ELP1: variants seen among roughly 807,000 people sequenced by gnomAD.
The protein encoded by ELP1 is elongator acetyltransferase complex subunit 1, also known as elongator complex protein 1.
ELP1 carries 131 observed loss-of-function variants against 183.2 expected under a neutral mutation model. That is an observed-to-expected ratio of 0.72 (90% CI 0.62 to 0.83). The LOEUF is 0.83. Ranked by LOEUF, ELP1 falls within the 40% of genes least tolerant of loss-of-function variation. The pLI, the probability that ELP1 is intolerant of heterozygous loss-of-function variation, is 0.00. For synonymous variants in ELP1, 555 were observed against 569.0 expected, an observed-to-expected ratio of 0.98 and a Z score of 0.35; for missense variants, 1,550 against 1,594.9, an observed-to-expected ratio of 0.97 and a Z score of 0.48.
At chr9:108,923,725 C>A (rs1829736773) in intron 5 of ELP1, among the ~76,000 whole-genome samples, 2 of 152,202 alleles carry the variant, frequency 1.3e-5, no homozygotes, top group South Asian at 4.1e-4. Flanking sequence ...GAACACAGGT[C>A]TTCTGCCTTC....
intron 12 of ELP1, among the ~76,000 whole-genome samples, chr9:108,909,239 C>T (rs1444179246): frequency 2.0e-5 from 3 of 152,222 alleles, no homozygotes; most frequent in African/African-American, 7.2e-5. Flanking sequence ...CAGCACTTGC[C>T]ATCTGATAGA....
At chr9:108,876,950 C>T (rs7048388) in intron 35 of ELP1, among the ~76,000 whole-genome samples, 62,119 of 151,944 alleles carry the variant, frequency 0.41, 15,086 homozygotes, top group African/African-American at 0.69. Flanking sequence ...ACATTAGTCA[C>T]GAACTCCTGA....
intron 10 of ELP1, 60 bp downstream of exon 10, chr9:108,916,144 C>A (rs1210063899): frequency 1.6e-6 from 2 of 1,253,938 alleles, no homozygotes; most frequent in Non-Finnish European, 2.3e-6. Context: ...AAATCCCATA[C>A]CTGTCTACTT....
At chr9:108,913,526 C>T (rs1051394950) in intron 10 of ELP1, among the ~76,000 whole-genome samples, 4 of 152,150 alleles carry the variant, frequency 2.6e-5, no homozygotes, top group African/African-American at 9.7e-5. Flanking sequence ...TTAGTGATCA[C>T]AGCAAACATA....
At chr9:108,903,528 G>T in intron 15 of ELP1, 35 bp downstream of exon 15, 1 of 1,340,468 alleles carries the variant, frequency 7.5e-7, no homozygotes, top group Non-Finnish European at 1.1e-6. Flanking sequence ...ATCTATGTAA[G>T]TCATAACATG....
chr9:108,920,608 C>T (rs1342349815), intron 6 of ELP1, among the ~76,000 whole-genome samples: 5 of 151,186 alleles, frequency 3.3e-5, no homozygotes, highest in Admixed American at 3.3e-4. Context: ...ATCAGTGTTA[C>T]TGGGCACTAG....
chr9:108,890,509 G>A (rs1356688786), intron 28 of ELP1, among the ~76,000 whole-genome samples: 5 of 152,166 alleles, frequency 3.3e-5, no homozygotes, highest in Admixed American at 6.5e-5. Flanking sequence ...AAGCACTGCT[G>A]AGATGACCAG....
At chr9:108,880,007 AC>A in intron 32 of ELP1, 44 bp downstream of exon 32, 1 of 1,224,892 alleles carries the variant, frequency 8.2e-7, no homozygotes, top group Non-Finnish European at 1.2e-6. Flanking sequence ...GCGTTACCCA[AC>A]CCCACTGCCC....
chr9:108,868,489 T>C lies in ELP1; in HGVS notation c.*626A>G, dbSNP rs946159223. On this transcript the variant is annotated 3_prime_UTR_variant, in exon 37 of 37. Coordinates refer to ENST00000374647, the MANE Select transcript of ELP1 (RefSeq NM_003640.5). ...ATTCTAATCTGTTCTAGCTCTAACATTGCTAACTCTCTAGCAGAAAATACA... is the reference window on the plus strand; with the variant it reads ...ATTCTAATCTGTTCTAGCTCTAACACTGCTAACTCTCTAGCAGAAAATACA... 1 of 387,788 alleles carries C rather than the reference T, an allele frequency of 2.6e-6. No individual in the cohort carries two copies. Among genetic ancestry groups the C allele is most frequent in the East Asian group, 3.7e-5 (1 of 26,992 alleles). The allele number at this position is 387,788 out of a possible 1,614,324, so 24.0% of individuals were successfully genotyped here. A position where few individuals can be genotyped will look rare whatever the true frequency, so the allele number is the denominator to read the frequency against.
chr9:108,926,550 G>A lies in ELP1; in HGVS notation c.439C>T (p.Gln147Ter). Residue 147 changes from glutamine to a stop codon, truncating the protein, a stop_gained, in exon 5 of 37, where the codon CAG (glutamine) becomes TAG (stop). Coordinates refer to ENST00000374647, the MANE Select transcript of ELP1 (RefSeq NM_003640.5). LOFTEE classifies it high-confidence loss of function. ...TCACCAAAATCATCCTGATGGATCTGCTGCTCCAGGATTGGCTCAAAATCT... is the reference window on the plus strand; with the variant it reads ...TCACCAAAATCATCCTGATGGATCTACTGCTCCAGGATTGGCTCAAAATCT... ...TKDFEPILEQ[Q>*]IHQDDFGESK... The A allele has an allele frequency of 1.2e-6, 2 of 1,613,014 alleles. No individual in the cohort carries two copies. The highest frequency in any genetic ancestry group is 1.7e-6 in the Non-Finnish European group (2 of 1,179,694).
intron 12 of ELP1, 67 bp from the exon 13 acceptor site, chr9:108,908,471 G>T (rs1829097705): frequency 1.7e-6 from 2 of 1,192,738 alleles, no homozygotes; most frequent in Admixed American, 1.8e-5. Flanking sequence ...TAAGGGGATG[G>T]TGTCTGCAAT....
chr9:108,918,515 T>C (rs1161915790), intron 8 of ELP1, among the ~76,000 whole-genome samples: 2 of 152,168 alleles, frequency 1.3e-5, no homozygotes, highest in African/African-American at 4.8e-5. Flanking sequence ...AATGGCTTCA[T>C]ATATACCCTG....
intron 5 of ELP1, among the ~76,000 whole-genome samples, chr9:108,926,094 T>A (rs2132042912): frequency 6.6e-6 from 1 of 152,336 alleles, no homozygotes; most frequent in South Asian, 2.1e-4. Context: ...ACAGCCTTAA[T>A]GCCCAGATGA....
At chr9:108,922,282 G>A (rs1036525181) in intron 6 of ELP1, among the ~76,000 whole-genome samples, 7 of 152,196 alleles carry the variant, frequency 4.6e-5, no homozygotes, top group Non-Finnish European at 1.0e-4. Flanking sequence ...TGCCCCAAGA[G>A]TCTGCACTCT....
At chr9:108,916,362 A>T in intron 9 of ELP1, 65 bp from the exon 10 acceptor site, 1 of 1,247,428 alleles carries the variant, frequency 8.0e-7, no homozygotes, top group Non-Finnish European at 1.2e-6. Context: ...TCTTTATAAT[A>T]GCTGTATTTC....
At chr9:108,883,604 T>G (rs547319507) in intron 29 of ELP1, among the ~76,000 whole-genome samples, 2 of 152,130 alleles carry the variant, frequency 1.3e-5, no homozygotes, top group South Asian at 2.1e-4. Context: ...TTAAAAAATT[T>G]CCTTAAACAA....
At chr9:108,871,231 T>G (rs1827444202) in intron 36 of ELP1, among the ~76,000 whole-genome samples, 1 of 152,128 alleles carries the variant, frequency 6.6e-6, no homozygotes, top group South Asian at 2.1e-4. Flanking sequence ...GAGTACTGTT[T>G]GTAACGAGCC....
chr9:108,926,693 G>T (rs565193082), intron 4 of ELP1, 90 bp from the exon 5 acceptor site: 1 of 895,976 alleles, frequency 1.1e-6, no homozygotes, highest in Admixed American at 2.0e-5. Flanking sequence ...TAAGGAGCTG[G>T]AGTTAGTCTG....
At chr9:108,899,586 A>C (rs534044619) in intron 20 of ELP1, among the ~76,000 whole-genome samples, 46 of 152,134 alleles carry the variant, frequency 3.0e-4, no homozygotes, top group African/African-American at 1.1e-3. Flanking sequence ...GGTTAAGAGA[A>C]GCCCTCCTTT....
Sources: gnomAD v4.1 joint callset for allele counts (sites outside exome capture counted in the v4.1 genomes callset) on GRCh38, gnomAD v4.1.1 for gene constraint, MANE v1.5 for transcripts, NCBI Gene and HGNC (gene_info 2026-07-23, HGNC 2026-07-21) for gene names.